TMCO4: variants seen among roughly 807,000 people sequenced by gnomAD.
The protein encoded by TMCO4 is transmembrane and coiled-coil domain-containing protein 4.
In TMCO4, 58 loss-of-function variants were observed where a neutral mutation model predicts 64.7. The ratio of observed to expected loss-of-function variants is 0.90; its 90% CI spans 0.73 to 1.12. The LOEUF (loss-of-function observed/expected upper bound fraction) is 1.12, where lower values mean the gene tolerates loss of function less well. Ranked by LOEUF, TMCO4 falls within the 50% of genes most tolerant of loss-of-function variation. TMCO4 has a pLI of 0.00. For missense variants in TMCO4, 780 were observed against 825.9 expected (o/e 0.94, Z 0.68); for synonymous variants, 325 against 346.1 (o/e 0.94, Z 0.68).
chr1:19,737,514 T>G, intron 12 of TMCO4, 58 bp from the exon 13 acceptor site: 1 of 1,556,322 alleles, frequency 6.4e-7, no homozygotes, highest in East Asian at 2.3e-5. Flanking sequence ...TAGCAAAACA[T>G]CAGGCCTGAG....
chr1:19,697,641 C>T (rs1159875131), intron 14 of TMCO4, among the ~76,000 whole-genome samples: 2 of 150,900 alleles, frequency 1.3e-5, no homozygotes, highest in African/African-American at 4.9e-5. Context: ...CTCTGTTGCT[C>T]AGGCTGGAGT....
chr1:19,788,781 T>A (rs190312689), intron 2 of TMCO4, among the ~76,000 whole-genome samples: 9 of 152,308 alleles, frequency 5.9e-5, no homozygotes, highest in Admixed American at 5.9e-4. Context: ...GTTATGTTTT[T>A]AAAACATGTT....
intron 6 of TMCO4, among the ~76,000 whole-genome samples, chr1:19,765,679 G>A (rs1038425534): frequency 5.3e-5 from 8 of 151,914 alleles, no homozygotes; most frequent in African/African-American, 1.9e-4. Flanking sequence ...TGGGCAAAGC[G>A]CTTCGTGGGT....
At chr1:19,693,442 C>T (rs528400637) in intron 15 of TMCO4, among the ~76,000 whole-genome samples, 1 of 152,220 alleles carries the variant, frequency 6.6e-6, no homozygotes, top group Admixed American at 6.5e-5. Flanking sequence ...CACACCATTG[C>T]ACTCCAGACT....
rs114250008 is a variant in TMCO4, at chr1:19,701,549, T to C, written c.1265-664A>G. Among the ~76,000 whole-genome samples, 424 of 152,280 alleles carry C rather than the reference T, an allele frequency of 2.8e-3. 5 individuals are homozygous for C. The highest frequency in any genetic ancestry group is 8.4e-3 in the African/African-American group (350 of 41,546). ...ATGGCTAATAAGTTCCAACACAGCCTGGGTTGGAACCCAGGTCTCTCTCCA... is the reference window on the plus strand; with the variant it reads ...ATGGCTAATAAGTTCCAACACAGCCCGGGTTGGAACCCAGGTCTCTCTCCA... On this transcript the variant is annotated intron_variant, in intron 13 of 15. Transcript: ENST00000294543.
rs79680312 is a variant in TMCO4, at chr1:19,698,455, G to C, written c.1382+2313C>G. On this transcript the variant is annotated intron_variant, in intron 14 of 15. Coordinates refer to ENST00000294543, the MANE Select transcript of TMCO4 (RefSeq NM_181719.7). ...GGCAGCAGTGCTATCACCTCAGCTAGCTTCCAGAAGGTTCGTGAATAGCCC... is the reference window on the plus strand; with the variant it reads ...GGCAGCAGTGCTATCACCTCAGCTACCTTCCAGAAGGTTCGTGAATAGCCC... Among the ~76,000 whole-genome samples the C allele has an allele frequency of 3.4e-3, 518 of 152,336 alleles. 5 individuals carry two copies. Among genetic ancestry groups the C allele is most frequent in the African/African-American group, 0.012 (489 of 41,584 alleles).
intron 13 of TMCO4, among the ~76,000 whole-genome samples, chr1:19,726,544 A>C (rs2095409544): frequency 6.6e-6 from 1 of 152,006 alleles, no homozygotes; most frequent in South Asian, 2.1e-4. Flanking sequence ...TGCACTAGTT[A>C]TTTCACCTCT....
intron 4 of TMCO4, among the ~76,000 whole-genome samples, chr1:19,773,932 A>G (rs1327456143): frequency 6.6e-6 from 1 of 152,102 alleles, no homozygotes; most frequent in East Asian, 1.9e-4. Flanking sequence ...TCCCCTGGAA[A>G]TTGGCTTTGT....
intron 14 of TMCO4, among the ~76,000 whole-genome samples, chr1:19,697,963 C>T (rs534815440): frequency 6.6e-6 from 1 of 152,204 alleles, no homozygotes; most frequent in Non-Finnish European, 1.5e-5. Flanking sequence ...GGTACTTCTT[C>T]CTTTTATGAT....
chr1:19,754,474 C>T (rs918980473), intron 7 of TMCO4, among the ~76,000 whole-genome samples: 1 of 152,128 alleles, frequency 6.6e-6, no homozygotes, highest in Non-Finnish European at 1.5e-5. Context: ...GCTCCACTAA[C>T]CGTGGCATGA....
intron 14 of TMCO4, among the ~76,000 whole-genome samples, chr1:19,698,061 C>A (rs2095248375): frequency 6.6e-6 from 1 of 152,202 alleles, no homozygotes; most frequent in South Asian, 2.1e-4. Flanking sequence ...ATCCCTGTAT[C>A]CTGAGCTGAA....
intron 13 of TMCO4, among the ~76,000 whole-genome samples, chr1:19,702,788 A>G (rs1226931981): frequency 6.6e-6 from 1 of 152,122 alleles, no homozygotes; most frequent in Non-Finnish European, 1.5e-5. Context: ...AACAAACACC[A>G]AAGTGCAATC....
At position 19,745,622 on chromosome 1, in the gene TMCO4, T is replaced by A; in HGVS notation, c.787A>T (p.Ile263Phe). ...AGAGGCAGAAACGTGAACTCTTCAA[T>A]GGCTCCCACTCGCTTCTTCATCTTG... ...GYKMKKRVGAIEEFTFLPLTE... is the reference protein window; with the variant it reads ...GYKMKKRVGAFEEFTFLPLTE... The change falls in exon 10 of 16, where the codon ATT becomes TTT. Residue 263 changes from isoleucine (I) to phenylalanine (F), a missense_variant. Physicochemically the swap from Ile to Phe is conservative, Grantham distance 21. Transcript: ENST00000294543. 1 of 1,613,680 alleles carries A rather than the reference T, an allele frequency of 6.2e-7. No homozygotes were observed. Among genetic ancestry groups the A allele is most frequent in the Non-Finnish European group, 8.5e-7 (1 of 1,179,702 alleles).
chr1:19,770,515 T>A, intron 6 of TMCO4, 27 bp downstream of exon 6: 1 of 1,613,642 alleles, frequency 6.2e-7, no homozygotes, highest in African/African-American at 1.3e-5. Flanking sequence ...GTACCCACCA[T>A]TTACAGAGCT....
Position 19,722,275 on chromosome 1 carries a change from C to T in TMCO4, c.1264+15097G>A, listed in dbSNP as rs140043370. 1.8e-4 allele frequency among the ~76,000 whole-genome samples: 28 copies of T among 152,246 alleles called. No individual in the cohort carries two copies. In the East Asian group the frequency reaches 2.3e-3, roughly 13 times the overall value. ...GAAATGAGGCCCAGCATATCAGCCT[C>T]GATAAGATGTTCTAGCAGTGCCTTC... On this transcript the variant is annotated intron_variant, in intron 13 of 15. Transcript: ENST00000294543.
chr1:19,726,921 G>A (rs763290951), intron 13 of TMCO4, among the ~76,000 whole-genome samples: 35 of 152,346 alleles, frequency 2.3e-4, no homozygotes, highest in Admixed American at 5.2e-4. Flanking sequence ...GGATTCCCAC[G>A]GGAGATCAGC....
At chr1:19,728,384 A>G (rs929079541) in intron 13 of TMCO4, among the ~76,000 whole-genome samples, 8 of 152,156 alleles carry the variant, frequency 5.3e-5, no homozygotes, top group Non-Finnish European at 1.0e-4. Flanking sequence ...CTGTGCAAAA[A>G]CTGGGCAGAG....
At chr1:19,692,457 T>C (rs558342470) in intron 15 of TMCO4, among the ~76,000 whole-genome samples, 8 of 150,884 alleles carry the variant, frequency 5.3e-5, no homozygotes, top group African/African-American at 2.0e-4. Flanking sequence ...AGGCCGGGTG[T>C]GGTGGCTCAT....
At chr1:19,745,314 G>T in intron 10 of TMCO4, 1 of 670,502 alleles carries the variant, frequency 1.5e-6, no homozygotes, top group Non-Finnish European at 2.4e-6. Context: ...GTGGATGGGT[G>T]GATGGACAGG....
Sources: gnomAD v4.1 joint callset for allele counts (sites outside exome capture counted in the v4.1 genomes callset) on GRCh38, gnomAD v4.1.1 for gene constraint, MANE v1.5 for transcripts, NCBI Gene and HGNC (gene_info 2026-07-23, HGNC 2026-07-21) for gene names.